Variants in KDM6A observed in about 807,000 individuals in gnomAD.
The protein encoded by KDM6A is lysine demethylase 6A, also known as lysine-specific demethylase 6A.
KDM6A carries 11 observed loss-of-function variants against 117.6 expected under a neutral mutation model. That is an observed-to-expected ratio of 0.09 (90% CI 0.06 to 0.15). KDM6A has a LOEUF of 0.15. KDM6A is among the 10% of genes least tolerant of loss of function. The probability of loss-of-function intolerance (pLI) is 1.00; values close to 1 mark genes in which losing one functional copy is unlikely to be tolerated. For missense variants in KDM6A, 799 were observed against 1,077.3 expected (o/e 0.74, Z 3.62); for synonymous variants, 384 against 396.1 (o/e 0.97, Z 0.36).
intron 2 of KDM6A, among the ~76,000 whole-genome samples, chrX:44,924,651 GT>G (rs2036194639): frequency 6.6e-5 from 3 of 45,692 alleles, no homozygotes; most frequent in South Asian, 8.2e-4. Context: ...GGTCCTGGGT[GT>G]GTGTGTGTGT....
intron 4 of KDM6A, among the ~76,000 whole-genome samples, chrX:44,975,857 C>T (rs917815962): frequency 9.0e-6 from 1 of 111,660 alleles, no homozygotes; most frequent in Non-Finnish European, 1.9e-5. Flanking sequence ...CTGGGCATGC[C>T]TGCAGTGGAC....
At chrX:45,089,255 GTAT>G (rs1315296611) in intron 25 of KDM6A, among the ~76,000 whole-genome samples, 3 of 111,779 alleles carry the variant, frequency 2.7e-5, no homozygotes, top group Non-Finnish European at 5.6e-5. Context: ...CTTACTACAG[GTAT>G]TATAATTCCT....
chrX:44,938,143 A>C (rs1383511496), intron 2 of KDM6A, among the ~76,000 whole-genome samples: 2 of 111,157 alleles, frequency 1.8e-5, no homozygotes, highest in Non-Finnish European at 3.8e-5. Flanking sequence ...TCATTTTCGT[A>C]GAGATGGGGT....
chrX:45,060,663 C>T lies in KDM6A; in HGVS notation c.1384C>T (p.Pro462Ser), dbSNP rs773087482. 187 of 1,068,459 alleles carry T rather than the reference C, an allele frequency of 1.8e-4. No individual in the cohort carries two copies. The highest frequency in any genetic ancestry group is 2.2e-4 in the Non-Finnish European group (176 of 810,122). The allele number at this position is 1,068,459 out of a possible 1,213,427, so 88.1% of individuals were successfully genotyped here. The change falls in exon 14 of 30, where the codon CCA (proline) becomes TCA (serine). Residue 462 changes from proline to serine, a missense_variant. By Grantham distance (74) the Pro-to-Ser change is moderately conservative (BLOSUM62 -1). Transcript: ENST00000611820. The part of the protein sequence containing the change: ...TEPVLGLSQT[P>S]ISQQSLPLHM... ...ACCTGTATTAGGCCTCAGTCAAACACCAATTTCACAGCAATCCTTGCCACT... is the reference window on the plus strand; with the variant it reads ...ACCTGTATTAGGCCTCAGTCAAACATCAATTTCACAGCAATCCTTGCCACT...
At chrX:44,965,044 C>T (rs1416963979) in intron 3 of KDM6A, among the ~76,000 whole-genome samples, 3 of 112,515 alleles carry the variant, frequency 2.7e-5, no homozygotes, top group Non-Finnish European at 5.6e-5. Context: ...CCTCATCTTG[C>T]GCTTTTGTGT....
At chrX:45,091,829 C>T (rs754916798) in intron 27 of KDM6A, among the ~76,000 whole-genome samples, 2 of 111,717 alleles carry the variant, frequency 1.8e-5, no homozygotes, top group South Asian at 3.7e-4. Flanking sequence ...ATTTGGTCAG[C>T]ATGTGTTGTT....
intron 2 of KDM6A, among the ~76,000 whole-genome samples, chrX:44,907,439 G>A (rs1384526503): frequency 1.0e-5 from 1 of 100,079 alleles, no homozygotes; most frequent in Admixed American, 1.1e-4. Flanking sequence ...CACCACGCCC[G>A]GCTAATTGTG....
At chrX:44,888,610 A>T (rs1458759979) in intron 2 of KDM6A, among the ~76,000 whole-genome samples, 1 of 112,283 alleles carries the variant, frequency 8.9e-6, no homozygotes, top group Non-Finnish European at 1.9e-5. Flanking sequence ...GCACATAATG[A>T]AATTGAGATT....
chrX:44,883,329 C>G (rs181315510), intron 2 of KDM6A, among the ~76,000 whole-genome samples: 2 of 110,407 alleles, frequency 1.8e-5, no homozygotes, highest in East Asian at 5.7e-4. Context: ...TGTCAGCCTC[C>G]ATAGGTCCTG....
intron 2 of KDM6A, among the ~76,000 whole-genome samples, chrX:44,950,039 T>C (rs1364264995): frequency 1.8e-5 from 2 of 108,829 alleles, no homozygotes; most frequent in African/African-American, 6.7e-5. Context: ...TTTTTTGAGA[T>C]GGAGTCTCGC....
At chrX:44,992,517 C>T (rs1035448500) in intron 4 of KDM6A, among the ~76,000 whole-genome samples, 1 of 108,885 alleles carries the variant, frequency 9.2e-6, no homozygotes, top group Non-Finnish European at 1.9e-5. Context: ...GCCAACGTGC[C>T]TGGCCAGCAA....
rs180962227 is a variant in KDM6A, at chrX:44,915,350, T to C, written c.225+41363T>C. 3.9e-3 allele frequency among the ~76,000 whole-genome samples: 436 copies of C among 112,146 alleles called. 7 individuals carry two copies. The highest frequency in any genetic ancestry group is 0.013 in the African/African-American group (416 of 30,864). On this transcript the variant is annotated intron_variant, in intron 2 of 29. Coordinates refer to ENST00000611820, the MANE Select transcript of KDM6A (RefSeq NM_001291415.2). ...GCTGGAAAAAGTGACATTTCTCCTTTTCTGAGACCTAGCCCAATTTATTGC... is the reference window on the plus strand; with the variant it reads ...GCTGGAAAAAGTGACATTTCTCCTTCTCTGAGACCTAGCCCAATTTATTGC...
chrX:45,084,781 A>G (rs145059834), intron 24 of KDM6A, among the ~76,000 whole-genome samples: 1,707 of 111,551 alleles, frequency 0.015, 16 homozygotes, highest in Non-Finnish European at 0.025. Context: ...ACATGCCACC[A>G]TGCCTGGCTA....
chrX:44,980,059 CGA>C (rs2039819609), intron 4 of KDM6A, among the ~76,000 whole-genome samples: 1 of 102,649 alleles, frequency 9.7e-6, no homozygotes, highest in Non-Finnish European at 2.0e-5. Flanking sequence ...TGCAGTGGCA[CGA>C]TCTTGGCTCA....
chrX:44,981,282 A>G (rs747864623), intron 4 of KDM6A, among the ~76,000 whole-genome samples: 1 of 112,221 alleles, frequency 8.9e-6, no homozygotes, highest in South Asian at 3.7e-4. Context: ...GACTGGCTAT[A>G]TAAATCGGGG....
At chrX:45,028,744 A>G (rs1051110071) in intron 6 of KDM6A, among the ~76,000 whole-genome samples, 1 of 112,066 alleles carries the variant, frequency 8.9e-6, no homozygotes, top group African/African-American at 3.2e-5. Context: ...CTCCTAATTA[A>G]TTTATCTGGC....
In KDM6A at chrX:45,111,814, G is replaced by A. The variant is rs1285832580; in HGVS notation, c.*403G>A. The A allele has an allele frequency of 1.1e-5, 2 of 179,472 alleles. No individual in the cohort carries two copies. Among genetic ancestry groups the A allele is most frequent in the African/African-American group, 5.9e-5 (2 of 33,661 alleles). The allele number at this position is 179,472 out of a possible 1,213,427, so 14.8% of individuals were successfully genotyped here. ...GCCTAGCTGGTCATTTCTTTGTAAG[G>A]TAGTTAGCAATTTTAAGTCTTTCTT... On this transcript the variant is annotated 3_prime_UTR_variant, in exon 30 of 30. Coordinates refer to ENST00000611820, the MANE Select transcript of KDM6A (RefSeq NM_001291415.2).
At chrX:44,873,741 G>C in intron 1 of KDM6A, 29 bp downstream of exon 1, 1 of 1,161,785 alleles carries the variant, frequency 8.6e-7, no homozygotes, top group Non-Finnish European at 1.2e-6. Flanking sequence ...CGCCCGGTCG[G>C]CTCCGGACGG....
chrX:45,013,909 A>G (rs2041867480), intron 5 of KDM6A, among the ~76,000 whole-genome samples: 1 of 112,106 alleles, frequency 8.9e-6, no homozygotes, highest in African/African-American at 3.2e-5. Context: ...TATTTAGGTT[A>G]AAACTACTTT....
Sources: allele counts gnomAD v4.1 joint callset (sites outside exome capture counted in the v4.1 genomes callset), GRCh38; gene constraint gnomAD v4.1.1; transcripts MANE v1.5; gene names NCBI Gene and HGNC (gene_info 2026-07-23, HGNC 2026-07-21).